The following DLG1 variants were observed in gnomAD, a reference collection of about 807,000 sequenced individuals.
The protein encoded by DLG1 is disks large homolog 1.
In DLG1, 42 loss-of-function variants were observed where a neutral mutation model predicts 123.4. The observed-to-expected ratio is 0.34, with a 90% CI of 0.27 to 0.44. DLG1 has a LOEUF of 0.44. Among genes scored for constraint, DLG1 ranks in the 20% least tolerant of loss-of-function variants. The pLI is 1.00. For synonymous variants in DLG1, 317 were observed against 356.2 expected (o/e 0.89, Z 1.24); for missense variants, 942 against 1,082.6 (o/e 0.87, Z 1.82).
intron 11 of DLG1, among the ~76,000 whole-genome samples, chr3:197,123,786 G>A (rs1307239936): frequency 6.6e-6 from 1 of 152,060 alleles, no homozygotes; most frequent in Non-Finnish European, 1.5e-5. Context: ...ATCCACAGCA[G>A]CTACACTCAT....
intron 16 of DLG1, 52 bp from the exon 17 acceptor site, chr3:197,081,169 C>A: frequency 6.5e-7 from 1 of 1,526,998 alleles, no homozygotes; most frequent in South Asian, 1.2e-5. Flanking sequence ...TATCTGGGGT[C>A]TTACTAGAAA....
chr3:197,127,484 AT>A (rs1560878792), intron 11 of DLG1, among the ~76,000 whole-genome samples: 5,017 of 96,234 alleles, frequency 0.052, 351 homozygotes, highest in Non-Finnish European at 0.066. Context: ...ATATATATAT[AT>A]ATATATATAT....
intron 4 of DLG1, among the ~76,000 whole-genome samples, chr3:197,230,850 T>C (rs1410055294): frequency 1.3e-5 from 2 of 152,214 alleles, no homozygotes; most frequent in Non-Finnish European, 2.9e-5. Context: ...GAATTTAATT[T>C]TCACACTTGC....
At chr3:197,261,456 A>C (rs949037905) in intron 4 of DLG1, among the ~76,000 whole-genome samples, 8 of 152,200 alleles carry the variant, frequency 5.3e-5, no homozygotes, top group African/African-American at 1.9e-4. Context: ...AACCTTTAAA[A>C]TCCAAGAAAT....
At chr3:197,078,589 T>C (rs1748820365) in intron 17 of DLG1, 1 of 152,126 alleles carries the variant, frequency 6.6e-6, no homozygotes, top group South Asian at 2.1e-4. Flanking sequence ...AGAAAAAGTA[T>C]TATGGAGAAA....
chr3:197,164,725 A>T (rs1800459094), intron 5 of DLG1, among the ~76,000 whole-genome samples: 1 of 147,984 alleles, frequency 6.8e-6, no homozygotes. Context: ...AACATGGCAA[A>T]ACCCCGTCTC....
chr3:197,245,726 C>T (rs767945365), intron 4 of DLG1, among the ~76,000 whole-genome samples: 8 of 151,912 alleles, frequency 5.3e-5, no homozygotes, highest in Admixed American at 3.9e-4. Flanking sequence ...TCCTTTTCAG[C>T]GGGAGTGAAG....
intron 4 of DLG1, among the ~76,000 whole-genome samples, chr3:197,227,575 C>T (rs1740644299): frequency 6.6e-6 from 1 of 152,168 alleles, no homozygotes; most frequent in African/African-American, 2.4e-5. Context: ...TCTCTGTATG[C>T]TTAGTAAGCA....
chr3:197,239,144 A>G (rs1747542651), intron 4 of DLG1, among the ~76,000 whole-genome samples: 1 of 152,166 alleles, frequency 6.6e-6, no homozygotes, highest in African/African-American at 2.4e-5. Context: ...AAGTGAGAAC[A>G]TTTCAATCAA....
chr3:197,178,271 G>A (rs1274541573), intron 5 of DLG1, among the ~76,000 whole-genome samples: 2 of 151,980 alleles, frequency 1.3e-5, no homozygotes, highest in Non-Finnish European at 2.9e-5. Context: ...GTTGAAAAGT[G>A]GCCAAATCAT....
chr3:197,184,674 ATC>A (rs983915745), intron 5 of DLG1, among the ~76,000 whole-genome samples: 3 of 152,240 alleles, frequency 2.0e-5, no homozygotes, highest in African/African-American at 7.2e-5. Flanking sequence ...TATCAGCATC[ATC>A]TCTCTAGTAT....
At chr3:197,133,592 G>C (rs1037076801) in intron 10 of DLG1, among the ~76,000 whole-genome samples, 3 of 152,188 alleles carry the variant, frequency 2.0e-5, no homozygotes, top group Non-Finnish European at 4.4e-5. Flanking sequence ...TGATCCCAAA[G>C]TTTTACGCCA....
At chr3:197,113,486 C>T (rs964652002) in intron 13 of DLG1, among the ~76,000 whole-genome samples, 13 of 152,046 alleles carry the variant, frequency 8.6e-5, no homozygotes, top group African/African-American at 2.4e-4. Flanking sequence ...TTATCTTTCT[C>T]GCTGCTTTTA....
intron 4 of DLG1, among the ~76,000 whole-genome samples, chr3:197,248,168 A>C (rs1003161199): frequency 1.3e-5 from 2 of 152,132 alleles, no homozygotes; most frequent in African/African-American, 2.4e-5. Flanking sequence ...GGCTTTTCTT[A>C]CCTTGGTATG....
At chr3:197,062,970 ATTAGT>A (rs1253079561) in intron 22 of DLG1, among the ~76,000 whole-genome samples, 7 of 152,026 alleles carry the variant, frequency 4.6e-5, no homozygotes, top group Non-Finnish European at 4.4e-5. Flanking sequence ...CTGCCATTGT[ATTAGT>A]TTATTTGCTC....
intron 4 of DLG1, among the ~76,000 whole-genome samples, chr3:197,238,705 T>C (rs1232128802): frequency 2.0e-5 from 3 of 152,114 alleles, no homozygotes; most frequent in Admixed American, 2.0e-4. Context: ...CACCAATTTG[T>C]GGAAATTAAA....
Position 197,148,003 on chromosome 3 carries a change from T to C in DLG1, c.537+1740A>G, listed in dbSNP as rs568682445. Reference sequence around the variant, plus strand: ...GTAATAAATGAGTTCAGCAAGGTTGTAGGATAAAAGATAAACACCTAAAAG... The same window carrying C: ...GTAATAAATGAGTTCAGCAAGGTTGCAGGATAAAAGATAAACACCTAAAAG... On this transcript the variant is annotated intron_variant, in intron 6 of 24. Coordinates refer to ENST00000667157, the MANE Select transcript of DLG1 (RefSeq NM_001366207.1). Among the ~76,000 whole-genome samples the C allele has an allele frequency of 5.3e-5, 8 of 151,842 alleles. No homozygotes were observed. In the South Asian group the frequency reaches 8.3e-4, roughly 16 times the overall value.
chr3:197,137,896 C>T (rs1437312436), intron 9 of DLG1, among the ~76,000 whole-genome samples: 1 of 151,364 alleles, frequency 6.6e-6, no homozygotes, highest in African/African-American at 2.4e-5. Flanking sequence ...CGCTTGAGCT[C>T]AGGAGGCTGA....
intron 15 of DLG1, among the ~76,000 whole-genome samples, chr3:197,089,076 T>C (rs1156718145): frequency 1.3e-5 from 2 of 151,912 alleles, no homozygotes; most frequent in Non-Finnish European, 2.9e-5. Flanking sequence ...ATATGCATGT[T>C]ATTTAGAAAT....
Sources: allele counts gnomAD v4.1 joint callset (sites outside exome capture counted in the v4.1 genomes callset), GRCh38; gene constraint gnomAD v4.1.1; transcripts MANE v1.5; gene names NCBI Gene and HGNC (gene_info 2026-07-23, HGNC 2026-07-21).